PRKN: variants seen among roughly 807,000 people sequenced by gnomAD.
PRKN encodes E3 ubiquitin-protein ligase parkin.
In PRKN, 56 loss-of-function variants were observed where a neutral mutation model predicts 59.5. The observed-to-expected ratio is 0.94, with a 90% confidence interval of 0.76 to 1.18. PRKN has a LOEUF of 1.18. Among genes scored for constraint, PRKN ranks in the 50% most tolerant of loss-of-function variants. The pLI, the probability that PRKN is intolerant of heterozygous loss-of-function variation, is 0.00. For synonymous variants in PRKN, 250 were observed against 222.1 expected (o/e 1.13, Z -1.12); for missense variants, 657 against 596.4 (o/e 1.10, Z -1.06).
chr6:161,509,475 T>G (rs544811618), intron 9 of PRKN, among the ~76,000 whole-genome samples: 1 of 152,212 alleles, frequency 6.6e-6, no homozygotes, highest in African/African-American at 2.4e-5. Context: ...GGTGGCAGAT[T>G]GGAAGCACCT....
At chr6:162,675,222 G>C (rs141405662) in intron 1 of PRKN, among the ~76,000 whole-genome samples, 35 of 151,984 alleles carry the variant, frequency 2.3e-4, no homozygotes, top group African/African-American at 8.2e-4. Context: ...GCTAATTTTT[G>C]TATTTTTAGT....
chr6:162,518,777 C>T (rs1403145343), intron 1 of PRKN, among the ~76,000 whole-genome samples: 20 of 152,144 alleles, frequency 1.3e-4, no homozygotes, highest in Non-Finnish European at 1.2e-4. Context: ...GTTTAGTACC[C>T]TAGAAAACAC....
intron 6 of PRKN, among the ~76,000 whole-genome samples, chr6:161,860,069 A>G (rs1000510159): frequency 6.6e-6 from 1 of 151,836 alleles, no homozygotes; most frequent in African/African-American, 2.4e-5. Flanking sequence ...GTCACAAATC[A>G]AAGTCTCATC....
chr6:161,925,043 T>C (rs1778916135), intron 6 of PRKN, among the ~76,000 whole-genome samples: 1 of 152,170 alleles, frequency 6.6e-6, no homozygotes, highest in African/African-American at 2.4e-5. Flanking sequence ...TGTTGTTTTT[T>C]GGTGAATCCA....
At chr6:162,489,099 C>CTTCT (rs1179803547) in intron 1 of PRKN, among the ~76,000 whole-genome samples, 4 of 150,800 alleles carry the variant, frequency 2.7e-5, no homozygotes, top group Non-Finnish European at 5.9e-5. Context: ...TCCTTCCTTC[C>CTTCT]TCTTCCTTTT....
chr6:161,758,112 G>A (rs543989959), intron 7 of PRKN, among the ~76,000 whole-genome samples: 2 of 151,454 alleles, frequency 1.3e-5, no homozygotes, highest in Non-Finnish European at 2.9e-5. Context: ...TAGAACTCTC[G>A]TACATTCTGG....
chr6:161,949,612 C>T lies in PRKN; in HGVS notation c.734+23690G>A, dbSNP rs566968370. ...CAGGAGGCCCTCTGCAAGTGGATCC[C>T]CCAAATTCTTTGTCTACTTTTACTT... On this transcript the variant is annotated intron_variant, in intron 6 of 11. Coordinates refer to ENST00000366898, the MANE Select transcript of PRKN (RefSeq NM_004562.3). 3.3e-5 allele frequency among the ~76,000 whole-genome samples: 5 copies of T among 152,280 alleles called. No individual in the cohort carries two copies. In the East Asian group the frequency reaches 7.7e-4, roughly 23 times the overall value.
rs950258431 is a variant in PRKN, at chr6:161,541,642, G to A, written c.1083+7212C>T. Among the ~76,000 whole-genome samples, 7 of 152,212 alleles carry A rather than the reference G, an allele frequency of 4.6e-5. No individual in the cohort carries two copies. The East Asian group carries it at 1.4e-3, about 30-fold the overall frequency. ...TCGAGACCAGCCTGACCAACATGGT[G>A]CAATCCCGTCTCTACTAAATTTACA... On this transcript the variant is annotated intron_variant, in intron 9 of 11. Coordinates refer to ENST00000366898, the MANE Select transcript of PRKN (RefSeq NM_004562.3).
chr6:161,355,117 G>A lies in PRKN; in HGVS notation c.1286-4906C>T, dbSNP rs1018899027. The stretch of plus-strand genomic sequence containing the variant: ...TGCTTCAGCTGAGGCTCCTGCGTGC[G>A]GTGCCTGGAACACGAGCAGCAGGGG... On this transcript the variant is annotated intron_variant, in intron 11 of 11. Transcript: ENST00000366898. This position sits in a 1 kb window ranked among gnomAD's most constrained non-coding sequence, Gnocchi z 6.8. Among the ~76,000 whole-genome samples, 2 of 152,188 alleles carry A rather than the reference G, an allele frequency of 1.3e-5. No individual in the cohort carries two copies. The highest frequency in any genetic ancestry group is 2.9e-5 in the Non-Finnish European group (2 of 68,044).
chr6:162,239,100 A>C (rs2128090418), intron 3 of PRKN, among the ~76,000 whole-genome samples: 1 of 152,294 alleles, frequency 6.6e-6, no homozygotes, highest in South Asian at 2.1e-4. Context: ...TAAATGTAAT[A>C]TTTTAGATAA....
At chr6:162,240,700 A>G (rs1207561621) in intron 3 of PRKN, among the ~76,000 whole-genome samples, 1 of 152,256 alleles carries the variant, frequency 6.6e-6, no homozygotes, top group Non-Finnish European at 1.5e-5. Flanking sequence ...CTGTAGCTGT[A>G]TAATTGCGTC....
intron 4 of PRKN, among the ~76,000 whole-genome samples, chr6:162,066,999 G>A (rs182654564): frequency 6.6e-6 from 1 of 152,266 alleles, no homozygotes; most frequent in Non-Finnish European, 1.5e-5. Flanking sequence ...CCATGTAAGT[G>A]ATGACCAACG....
At chr6:161,658,092 TCACACAAATTTCAGC>T (rs1784420939) in intron 7 of PRKN, among the ~76,000 whole-genome samples, 1 of 151,600 alleles carries the variant, frequency 6.6e-6, no homozygotes, top group South Asian at 2.1e-4. Context: ...TAAAAGGATG[TCACACAAATTTCAGC>T]CACATTGTAG....
intron 1 of PRKN, among the ~76,000 whole-genome samples, chr6:162,493,045 T>G (rs1792892169): frequency 6.7e-6 from 1 of 149,866 alleles, no homozygotes; most frequent in Non-Finnish European, 1.5e-5. Flanking sequence ...GGGAGGAGGA[T>G]GGTGCTCATG....
intron 6 of PRKN, among the ~76,000 whole-genome samples, chr6:161,809,308 T>G (rs1477705445): frequency 1.8e-4 from 28 of 152,112 alleles, no homozygotes; most frequent in Admixed American, 1.7e-3. Flanking sequence ...GAATTACCAC[T>G]TGGGGCTGGG....
chr6:162,489,958 A>G (rs1740139893), intron 1 of PRKN, among the ~76,000 whole-genome samples: 1 of 152,148 alleles, frequency 6.6e-6, no homozygotes. Context: ...TTTCTTTTTA[A>G]AGCAAGAAAA....
At chr6:162,171,139 A>C (rs181271750) in intron 4 of PRKN, among the ~76,000 whole-genome samples, 2 of 152,066 alleles carry the variant, frequency 1.3e-5, no homozygotes, top group Non-Finnish European at 2.9e-5. Flanking sequence ...GAGGCTGGTA[A>C]ATACACAGGC....
At chr6:161,713,583 C>CCA (rs1176720148) in intron 7 of PRKN, among the ~76,000 whole-genome samples, 1 of 152,172 alleles carries the variant, frequency 6.6e-6, no homozygotes, top group Admixed American at 6.5e-5. Flanking sequence ...GGGACAAAGA[C>CCA]CAAATATAGT....
chr6:162,549,399 T>C (rs1351222996), intron 1 of PRKN, among the ~76,000 whole-genome samples: 1 of 152,202 alleles, frequency 6.6e-6, no homozygotes. Flanking sequence ...GTAGTTCTGC[T>C]ATTGGTTATC....
Sources: allele counts gnomAD v4.1 joint callset (sites outside exome capture counted in the v4.1 genomes callset), GRCh38; gene constraint gnomAD v4.1.1; non-coding constraint Gnocchi (gnomAD v3.1); transcripts MANE v1.5; gene names NCBI Gene and HGNC (gene_info 2026-07-23, HGNC 2026-07-21).